Variants in PLEKHA7 observed in about 807,000 individuals in gnomAD.
PLEKHA7 encodes the protein pleckstrin homology domain containing A7.
A neutral mutation model predicts 170.0 loss-of-function variants in PLEKHA7; 104 were observed. The observed-to-expected ratio is 0.61, with a 90% CI of 0.52 to 0.72. The LOEUF (loss-of-function observed/expected upper bound fraction) is 0.72. PLEKHA7 is among the 30% of genes least tolerant of loss of function. The pLI, the probability that PLEKHA7 is intolerant of heterozygous loss-of-function variation, is 0.00. For synonymous variants in PLEKHA7, 648 were observed against 660.8 expected (o/e 0.98, Z 0.30); for missense variants, 1,615 against 1,671.7 (o/e 0.97, Z 0.59).
In PLEKHA7 at chr11:16,778,805, G is replaced by A. The variant is rs1055062156; in HGVS notation, c.*193C>T. ...GCCTTTGCCATTCATATGTAGAGAGGAGTCTGAGCTAAACTAGTGGGTGCA... is the reference window on the plus strand; with the variant it reads ...GCCTTTGCCATTCATATGTAGAGAGAAGTCTGAGCTAAACTAGTGGGTGCA... On this transcript the variant is annotated 3_prime_UTR_variant, in exon 27 of 27. Coordinates refer to ENST00000531066, the MANE Select transcript of PLEKHA7 (RefSeq NM_001329630.2). 42 of 613,374 alleles carry A rather than the reference G, an allele frequency of 6.8e-5. No individual in the cohort carries two copies. Among genetic ancestry groups the A allele is most frequent in the Non-Finnish European group, 1.1e-4 (39 of 341,620 alleles). The allele number at this position is 613,374 out of a possible 1,614,324, so 38.0% of individuals were successfully genotyped here.
intron 12 of PLEKHA7, 149 bp downstream of exon 12, chr11:16,816,029 G>A (rs1342332861): frequency 3.0e-6 from 2 of 664,200 alleles, no homozygotes; most frequent in South Asian, 3.6e-5. Flanking sequence ...GTGACCCTAA[G>A]CAAGTCATTC....
At chr11:16,872,277 T>C (rs1402045830) in intron 3 of PLEKHA7, among the ~76,000 whole-genome samples, 3 of 151,804 alleles carry the variant, frequency 2.0e-5, no homozygotes, top group Non-Finnish European at 4.4e-5. Context: ...TGTAGACAAT[T>C]TTTAAAATGT....
At chr11:16,921,709 T>A (rs138531750) in intron 3 of PLEKHA7, among the ~76,000 whole-genome samples, 1 of 152,222 alleles carries the variant, frequency 6.6e-6, no homozygotes, top group Admixed American at 6.5e-5. Context: ...GAGAATTCAA[T>A]GAGATAATAT....
At chr11:16,845,545 T>C (rs1422531371) in intron 8 of PLEKHA7, among the ~76,000 whole-genome samples, 1 of 152,092 alleles carries the variant, frequency 6.6e-6, no homozygotes, top group Non-Finnish European at 1.5e-5. Flanking sequence ...TTTTGTATTT[T>C]TTGTAGAGAT....
rs1449941878 is a variant in PLEKHA7 at position 16,837,311 on chromosome 11, A to G, written c.872+4236T>C. 2.0e-5 allele frequency among the ~76,000 whole-genome samples: 3 copies of G among 152,176 alleles called. No homozygotes were observed. The East Asian group carries it at 5.8e-4, about 29-fold the overall frequency. The stretch of plus-strand genomic sequence containing the variant: ...AAAATCTGATGCTAAAAAATACCCA[A>G]ATCTCAGCTATCTAGATTAATCCTC... On this transcript the variant is annotated intron_variant, in intron 9 of 26. Coordinates refer to ENST00000531066, the MANE Select transcript of PLEKHA7 (RefSeq NM_001329630.2).
rs1863383859 is a variant in PLEKHA7, at chr11:16,980,850, G to T, written c.221+33139C>A. On this transcript the variant is annotated intron_variant, in intron 3 of 26. Coordinates refer to ENST00000531066, the MANE Select transcript of PLEKHA7 (RefSeq NM_001329630.2). ...TGCAGTGAGCCAAGATGGCACCACT[G>T]CACTCCAGCCTGGGCAACAAGAGCA... Among the ~76,000 whole-genome samples the T allele has an allele frequency of 3.9e-5, 6 of 152,192 alleles. No homozygotes were observed. The South Asian group carries it at 1.2e-3, about 32-fold the overall frequency.
chr11:16,942,810 G>A (rs1484442174), intron 3 of PLEKHA7, among the ~76,000 whole-genome samples: 1 of 152,180 alleles, frequency 6.6e-6, no homozygotes, highest in Non-Finnish European at 1.5e-5. Flanking sequence ...CTCCACTTAG[G>A]CAACTTTCTT....
intron 3 of PLEKHA7, among the ~76,000 whole-genome samples, chr11:16,993,380 T>A (rs1864159480): frequency 6.6e-6 from 1 of 152,134 alleles, no homozygotes; most frequent in South Asian, 2.1e-4. Flanking sequence ...CAAAAGTCCC[T>A]GGCAGTTTTA....
At chr11:16,851,560 T>A (rs396752) in intron 7 of PLEKHA7, among the ~76,000 whole-genome samples, 1 of 151,984 alleles carries the variant, frequency 6.6e-6, no homozygotes, top group South Asian at 2.1e-4. Flanking sequence ...GCGATTCTCC[T>A]GCCTTAGCCT....
intron 12 of PLEKHA7, among the ~76,000 whole-genome samples, chr11:16,813,783 G>A (rs949867773): frequency 6.6e-5 from 10 of 152,214 alleles, no homozygotes; most frequent in Non-Finnish European, 1.2e-4. Flanking sequence ...CCTGAGGCAG[G>A]TGCAAGGTCA....
intron 3 of PLEKHA7, chr11:16,881,708 C>G (rs909199401): frequency 6.6e-6 from 1 of 152,216 alleles, no homozygotes; most frequent in African/African-American, 2.4e-5. Flanking sequence ...GAACAAATTG[C>G]TCATTCAGGT....
intron 10 of PLEKHA7, among the ~76,000 whole-genome samples, chr11:16,821,976 C>T (rs1850251887): frequency 6.6e-6 from 1 of 150,468 alleles, no homozygotes; most frequent in South Asian, 2.1e-4. Context: ...GTCTCCCTTC[C>T]CCTTAGATAA....
At chr11:16,931,329 A>G (rs1859906013) in intron 3 of PLEKHA7, among the ~76,000 whole-genome samples, 1 of 152,158 alleles carries the variant, frequency 6.6e-6, no homozygotes, top group African/African-American at 2.4e-5. Context: ...TCTGGAACCC[A>G]CACTGAGAAA....
intron 18 of PLEKHA7, 75 bp downstream of exon 18, chr11:16,794,835 G>C: frequency 6.8e-7 from 1 of 1,464,068 alleles, no homozygotes; most frequent in Non-Finnish European, 9.6e-7. Flanking sequence ...CCACCCACCT[G>C]GTTCCCAGCC....
At chr11:16,895,307 T>C (rs923632009) in intron 3 of PLEKHA7, among the ~76,000 whole-genome samples, 1 of 152,154 alleles carries the variant, frequency 6.6e-6, no homozygotes, top group Non-Finnish European at 1.5e-5. Context: ...AACCCCGAAC[T>C]TGCTACTGAC....
chr11:16,902,588 G>A (rs1405935599), intron 3 of PLEKHA7, among the ~76,000 whole-genome samples: 1 of 152,152 alleles, frequency 6.6e-6, no homozygotes, highest in Non-Finnish European at 1.5e-5. Context: ...TTTCCTTGAT[G>A]GCTAATGATG....
chr11:16,868,095 T>C (rs908037240), intron 4 of PLEKHA7, among the ~76,000 whole-genome samples: 1 of 152,110 alleles, frequency 6.6e-6, no homozygotes, highest in South Asian at 2.1e-4. Context: ...TAGACAGATA[T>C]CAGTTTAAAC....
intron 10 of PLEKHA7, among the ~76,000 whole-genome samples, chr11:16,820,239 CA>C (rs1286402790): frequency 1.3e-5 from 2 of 152,186 alleles, no homozygotes; most frequent in Non-Finnish European, 2.9e-5. Flanking sequence ...AAACTCAACT[CA>C]TTTAATCACT....
chr11:16,885,998 G>GA (rs34201509), intron 3 of PLEKHA7, among the ~76,000 whole-genome samples: 43,413 of 142,024 alleles, frequency 0.31, 7,495 homozygotes, highest in East Asian at 0.61. Context: ...GACTCCATCG[G>GA]AAAAAAAAAA....
Sources: gnomAD v4.1 joint callset for allele counts (sites outside exome capture counted in the v4.1 genomes callset) on GRCh38, gnomAD v4.1.1 for gene constraint, MANE v1.5 for transcripts, NCBI Gene and HGNC (gene_info 2026-07-23, HGNC 2026-07-21) for gene names.